SGCZ: variants seen among roughly 807,000 people sequenced by gnomAD.
SGCZ encodes sarcoglycan zeta, also known as zeta-sarcoglycan.
A neutral mutation model predicts 41.3 loss-of-function variants in SGCZ; 40 were observed. That is an observed-to-expected ratio of 0.97 (90% CI 0.75 to 1.26). The LOEUF is 1.26. Among genes scored for constraint, SGCZ ranks in the 50% most tolerant of loss-of-function variants. The probability of loss-of-function intolerance (pLI) is 0.00; values close to 1 mark genes in which losing one functional copy is unlikely to be tolerated. For missense variants in SGCZ, 552 were observed against 369.8 expected, an observed-to-expected ratio of 1.49 and a Z score of -4.04; for synonymous variants, 206 against 137.5, an observed-to-expected ratio of 1.50 and a Z score of -3.49.
intron 1 of SGCZ, among the ~76,000 whole-genome samples, chr8:14,822,634 T>A (rs924262114): frequency 1.3e-5 from 2 of 151,906 alleles, no homozygotes; most frequent in African/African-American, 4.8e-5. Flanking sequence ...AACAGATATG[T>A]AAACCAACAG....
At chr8:15,048,117 T>A (rs1051379758) in intron 1 of SGCZ, among the ~76,000 whole-genome samples, 2 of 152,060 alleles carry the variant, frequency 1.3e-5, no homozygotes, top group African/African-American at 2.4e-5. Context: ...GAAGAAAATG[T>A]GGCATATAAA....
chr8:14,364,964 C>T (rs1385348947), intron 2 of SGCZ, among the ~76,000 whole-genome samples: 1 of 151,986 alleles, frequency 6.6e-6, no homozygotes, highest in Non-Finnish European at 1.5e-5. Context: ...CCTTCCATAG[C>T]TCTCATGTTT....
intron 2 of SGCZ, among the ~76,000 whole-genome samples, chr8:14,418,551 T>G (rs1470089479): frequency 6.6e-6 from 1 of 151,984 alleles, no homozygotes; most frequent in African/African-American, 2.4e-5. Flanking sequence ...TTTGTCTCAT[T>G]GTTTTACCTA....
intron 1 of SGCZ, among the ~76,000 whole-genome samples, chr8:14,828,727 C>G (rs1264951155): frequency 6.6e-6 from 1 of 152,122 alleles, no homozygotes; most frequent in Non-Finnish European, 1.5e-5. Flanking sequence ...TTCAGGAGTG[C>G]CAAAGACCAA....
chr8:14,718,972 T>G (rs969268722), intron 1 of SGCZ, among the ~76,000 whole-genome samples: 1 of 149,078 alleles, frequency 6.7e-6, no homozygotes, highest in African/African-American at 2.5e-5. Context: ...CATTTAGCAT[T>G]AGGTATATCT....
chr8:14,279,141 C>A (rs1025285684), intron 3 of SGCZ, among the ~76,000 whole-genome samples: 17 of 151,932 alleles, frequency 1.1e-4, no homozygotes, highest in African/African-American at 4.1e-4. Flanking sequence ...GAGATAAAAG[C>A]TATGTGCCAG....
At chr8:14,287,650 T>C (rs944857275) in intron 3 of SGCZ, among the ~76,000 whole-genome samples, 2 of 152,138 alleles carry the variant, frequency 1.3e-5, no homozygotes, top group Non-Finnish European at 1.5e-5. Context: ...TATTTTTATA[T>C]CTATATGACA....
intron 4 of SGCZ, among the ~76,000 whole-genome samples, chr8:14,180,311 G>A (rs1344149042): frequency 1.3e-5 from 2 of 152,112 alleles, no homozygotes; most frequent in East Asian, 1.9e-4. Context: ...GGAGTGTCCT[G>A]ATCACTAGTC....
chr8:14,599,699 A>G (rs1805525892), intron 1 of SGCZ, among the ~76,000 whole-genome samples: 1 of 152,194 alleles, frequency 6.6e-6, no homozygotes, highest in South Asian at 2.1e-4. Context: ...TAATAAATGA[A>G]CACGTGTCCC....
intron 1 of SGCZ, among the ~76,000 whole-genome samples, chr8:14,929,633 A>C (rs1799868587): frequency 1.3e-5 from 2 of 152,016 alleles, no homozygotes; most frequent in South Asian, 4.1e-4. Context: ...GATCCCCATT[A>C]GTCTCTATAT....
intron 1 of SGCZ, among the ~76,000 whole-genome samples, chr8:14,646,563 G>C (rs973005302): frequency 7.3e-5 from 11 of 151,690 alleles, no homozygotes; most frequent in African/African-American, 2.7e-4. Flanking sequence ...ATTTTCTTTT[G>C]GATATACATC....
At chr8:14,722,685 AGAT>A (rs1479356632) in intron 1 of SGCZ, among the ~76,000 whole-genome samples, 1 of 152,172 alleles carries the variant, frequency 6.6e-6, no homozygotes, top group Non-Finnish European at 1.5e-5. Context: ...AAGACTACTG[AGAT>A]GATAACATTC....
At chr8:14,991,020 T>C (rs528301628) in intron 1 of SGCZ, among the ~76,000 whole-genome samples, 5 of 152,146 alleles carry the variant, frequency 3.3e-5, no homozygotes, top group African/African-American at 4.8e-5. Flanking sequence ...TTTATTTGCA[T>C]TGAAAAATGC....
intron 1 of SGCZ, among the ~76,000 whole-genome samples, chr8:14,727,037 G>A (rs1033620983): frequency 5.3e-5 from 8 of 152,006 alleles, no homozygotes; most frequent in South Asian, 2.1e-4. Context: ...CACAGTCTGC[G>A]AGGAAATATT....
intron 2 of SGCZ, among the ~76,000 whole-genome samples, chr8:14,423,130 C>A (rs10097077): frequency 0.14 from 21,017 of 149,824 alleles, 3,832 homozygotes; most frequent in African/African-American, 0.43. Context: ...TGTGCTCCAG[C>A]ATTTTTTAAA....
intron 2 of SGCZ, among the ~76,000 whole-genome samples, chr8:14,404,727 G>T (rs990166913): frequency 6.6e-6 from 1 of 152,154 alleles, no homozygotes; most frequent in Non-Finnish European, 1.5e-5. Context: ...GGCCTGTCAT[G>T]TTCCTGTTTG....
chr8:14,442,038 G>A (rs1174070059), intron 2 of SGCZ, among the ~76,000 whole-genome samples: 1 of 152,156 alleles, frequency 6.6e-6, no homozygotes, highest in East Asian at 1.9e-4. Context: ...TGAGTAAACT[G>A]CCCAAGGCCA....
At position 14,892,440 on chromosome 8, in the gene SGCZ, T is replaced by C. The variant is rs143629057; in HGVS notation, c.40-337514A>G. Among the ~76,000 whole-genome samples, 16 of 152,310 alleles carry C rather than the reference T, an allele frequency of 1.1e-4. No individual in the cohort carries two copies. The East Asian group carries it at 3.1e-3, about 29-fold the overall frequency. ...AGATACGACTGTGATAAAGGAACTCTGTAACATTTAAAAAGAAATAGTCTG... is the reference window on the plus strand; with the variant it reads ...AGATACGACTGTGATAAAGGAACTCCGTAACATTTAAAAAGAAATAGTCTG... On this transcript the variant is annotated intron_variant, in intron 1 of 7. Coordinates refer to ENST00000382080, the MANE Select transcript of SGCZ (RefSeq NM_139167.4).
At chr8:15,168,478 C>A (rs1209141307) in intron 1 of SGCZ, among the ~76,000 whole-genome samples, 1 of 152,198 alleles carries the variant, frequency 6.6e-6, no homozygotes, top group Non-Finnish European at 1.5e-5. Flanking sequence ...ACAACCCAAC[C>A]CTTGCTTCAT....
Sources: allele counts gnomAD v4.1 joint callset (sites outside exome capture counted in the v4.1 genomes callset), GRCh38; gene constraint gnomAD v4.1.1; transcripts MANE v1.5; gene names NCBI Gene and HGNC (gene_info 2026-07-23, HGNC 2026-07-21).